The following LTV1 variants were observed in gnomAD, a reference collection of about 807,000 sequenced individuals.
LTV1 encodes the protein protein LTV1 homolog.
LTV1 carries 39 observed loss-of-function variants against 59.9 expected under a neutral mutation model. The ratio of observed to expected loss-of-function variants is 0.65; its 90% CI spans 0.50 to 0.85. The LOEUF (loss-of-function observed/expected upper bound fraction) is 0.85, where lower values mean the gene tolerates loss of function less well. LTV1 is among the 40% of genes least tolerant of loss of function. LTV1 has a pLI of 0.00. For missense variants in LTV1, 493 were observed against 549.1 expected (o/e 0.90, Z 1.02); for synonymous variants, 171 against 189.5 (o/e 0.90, Z 0.80).
chr6:143,857,853 A>G lies in LTV1; in HGVS notation c.641A>G (p.Asp214Gly). ...TCTGCAGGCCTATTGTCAGATGAAGACTGTATGTCTGTGCCCGGAAAAACT... is the reference window on the plus strand; with the variant it reads ...TCTGCAGGCCTATTGTCAGATGAAGGCTGTATGTCTGTGCCCGGAAAAACT... ...YDSAGLLSDE[D>G]CMSVPGKTHR... Residue 214 changes from aspartate to glycine, a missense_variant, in exon 6 of 11, where the codon GAC becomes GGC. Physicochemically the swap from Asp to Gly is moderately conservative, Grantham distance 94. Coordinates refer to ENST00000367576, the MANE Select transcript of LTV1 (RefSeq NM_032860.5). The surrounding 1 kb of genome is among the most constrained non-coding windows in gnomAD (Gnocchi z 5.2). 6.2e-7 allele frequency: 1 copy of G among 1,614,138 alleles called. No homozygotes were observed. The highest frequency in any genetic ancestry group is 8.5e-7 in the Non-Finnish European group (1 of 1,180,028).
intron 3 of LTV1, among the ~76,000 whole-genome samples, chr6:143,848,462 C>T (rs1302950272): frequency 6.6e-6 from 1 of 152,156 alleles, no homozygotes; most frequent in Non-Finnish European, 1.5e-5. Context: ...GCTGTGTGTA[C>T]ACTGCCATAT....
chr6:143,844,764 A>G, intron 2 of LTV1, 147 bp downstream of exon 2: 1 of 734,286 alleles, frequency 1.4e-6, no homozygotes, highest in Non-Finnish European at 2.0e-6. Flanking sequence ...CTTGGCCTCC[A>G]AAAGTGCTGG....
intron 3 of LTV1, among the ~76,000 whole-genome samples, chr6:143,846,778 C>T (rs1285194730): frequency 6.6e-6 from 1 of 152,122 alleles, no homozygotes; most frequent in Admixed American, 6.5e-5. Context: ...TGTTTTCTCC[C>T]CTGTTTATGT....
chr6:143,852,492 C>G (rs2128491424), intron 4 of LTV1, among the ~76,000 whole-genome samples: 1 of 152,228 alleles, frequency 6.6e-6, no homozygotes, highest in Middle Eastern at 3.4e-3. Flanking sequence ...GGATTGATTG[C>G]AAAAATTTTC....
chr6:143,859,626 A>G lies in LTV1; in HGVS notation c.796-800A>G, dbSNP rs147580154. ...TCCCTCTTCTCTTGAGGGAGAAACA[A>G]ACTGTTGCTACAAATCTCACTCTTC... On this transcript the variant is annotated intron_variant, in intron 6 of 10. Transcript: ENST00000367576. 1.4e-3 allele frequency among the ~76,000 whole-genome samples: 214 copies of G among 152,312 alleles called. 2 individuals carry two copies. The highest frequency in any genetic ancestry group is 0.012 in the Admixed American group (178 of 15,298).
chr6:143,857,693 G>A lies in LTV1; in HGVS notation c.540-59G>A. 1.3e-6 allele frequency: 2 copies of A among 1,575,888 alleles called. No individual in the cohort carries two copies. Among genetic ancestry groups the A allele is most frequent in the East Asian group, 2.2e-5 (1 of 44,584 alleles). Reference sequence around the variant, plus strand: ...CCTTCCAATTTTACTTGTGTAAAGTGGTTTTGTTCTGTTACTTTTTAAGTT... The same window carrying A: ...CCTTCCAATTTTACTTGTGTAAAGTAGTTTTGTTCTGTTACTTTTTAAGTT... On this transcript the variant is annotated intron_variant, in intron 5 of 10. Coordinates refer to ENST00000367576, the MANE Select transcript of LTV1 (RefSeq NM_032860.5). The surrounding 1 kb of genome is among the most constrained non-coding windows in gnomAD (Gnocchi z 5.2).
chr6:143,850,877 T>C (rs889937704), intron 4 of LTV1, among the ~76,000 whole-genome samples: 1 of 152,088 alleles, frequency 6.6e-6, no homozygotes, highest in Non-Finnish European at 1.5e-5. Flanking sequence ...TTGGGAAAAA[T>C]AAACAATAAA....
intron 3 of LTV1, 89 bp from the exon 4 acceptor site, chr6:143,850,042 G>A: frequency 1.1e-6 from 1 of 924,192 alleles, no homozygotes; most frequent in Non-Finnish European, 1.7e-6. Context: ...GTTCTGGATG[G>A]ACATTGATTT....
intron 6 of LTV1, among the ~76,000 whole-genome samples, chr6:143,859,544 C>T (rs1270708512): frequency 1.3e-5 from 2 of 152,168 alleles, no homozygotes; most frequent in African/African-American, 2.4e-5. Context: ...TAGTTGCCAT[C>T]CAGGTGAATC....
chr6:143,844,353 G>A, intron 1 of LTV1, 133 bp from the exon 2 acceptor site: 1 of 884,386 alleles, frequency 1.1e-6, no homozygotes, highest in Non-Finnish European at 1.7e-6. Flanking sequence ...AGCTGATGTT[G>A]CCTGCCCTAG....
intron 7 of LTV1, among the ~76,000 whole-genome samples, chr6:143,861,827 T>TTTTTTTTTTTTTTTTTTTTTTTTTG (rs1554235515): frequency 6.6e-6 from 1 of 151,532 alleles, no homozygotes. Context: ...TATGCTTTTT[T>TTTTTTTTTTTTTTTTTTTTTTTTTG]AGGCTTTAAA....
intron 2 of LTV1, 33 bp from the exon 3 acceptor site, chr6:143,846,018 G>A (rs1359829357): frequency 1.9e-6 from 3 of 1,602,880 alleles, no homozygotes; most frequent in Admixed American, 1.7e-5. Context: ...TTTATAGATA[G>A]TGAAGAAAGT....
chr6:143,863,570 C>A lies in LTV1; in HGVS notation c.*43C>A. 2.3e-6 allele frequency: 3 copies of A among 1,301,464 alleles called. No individual in the cohort carries two copies. The highest frequency in any genetic ancestry group is 2.9e-5 in the South Asian group (2 of 69,246). 80.6% of individuals were successfully genotyped at this position (1,301,464 alleles called of 1,614,324 possible). On this transcript the variant is annotated 3_prime_UTR_variant, in exon 11 of 11. Transcript: ENST00000367576. This position sits in a 1 kb window ranked among gnomAD's most constrained non-coding sequence, Gnocchi z 4.5. ...GCAAGGCACTTTATTAGGGGCTCCT[C>A]ATCTTTGGTTATTGACTAGAAACTT...
intron 2 of LTV1, among the ~76,000 whole-genome samples, chr6:143,845,372 A>G (rs189701613): frequency 6.6e-6 from 1 of 152,304 alleles, no homozygotes; most frequent in East Asian, 1.9e-4. Context: ...ATATAAATAC[A>G]AGAAATTGTA....
intron 4 of LTV1, among the ~76,000 whole-genome samples, chr6:143,852,634 G>C (rs1002407861): frequency 7.2e-5 from 11 of 152,178 alleles, no homozygotes; most frequent in African/African-American, 2.7e-4. Context: ...TAGTCAAGAA[G>C]TCTTTGCCCA....
chr6:143,860,975 CA>C (rs1777155671), intron 7 of LTV1, among the ~76,000 whole-genome samples: 1 of 151,624 alleles, frequency 6.6e-6, no homozygotes, highest in Admixed American at 6.6e-5. Context: ...AGCTCACCTG[CA>C]ACCTCCGCCT....
intron 3 of LTV1, 90 bp downstream of exon 3, chr6:143,846,314 G>A (rs1012360909): frequency 3.3e-5 from 41 of 1,229,832 alleles, no homozygotes; most frequent in African/African-American, 1.8e-4. Flanking sequence ...AATGGTGTCC[G>A]TATGAAGAGC....
chr6:143,850,001 A>G, intron 3 of LTV1, 130 bp from the exon 4 acceptor site: 1 of 636,508 alleles, frequency 1.6e-6, no homozygotes, highest in East Asian at 2.7e-5. Context: ...TATAGTTGAG[A>G]GGACCCTATT....
At chr6:143,854,568 C>T (rs1345749514) in intron 4 of LTV1, among the ~76,000 whole-genome samples, 1 of 152,152 alleles carries the variant, frequency 6.6e-6, no homozygotes, top group African/African-American at 2.4e-5. Context: ...TTCCTGCTTT[C>T]TCCTGTGGGA....
Sources: gnomAD v4.1 joint callset for allele counts (sites outside exome capture counted in the v4.1 genomes callset) on GRCh38, gnomAD v4.1.1 for gene constraint, Gnocchi (gnomAD v3.1) non-coding constraint, MANE v1.5 for transcripts, NCBI Gene and HGNC (gene_info 2026-07-23, HGNC 2026-07-21) for gene names.